LRBA: variants seen among roughly 807,000 people sequenced by gnomAD.
The protein encoded by LRBA is lipopolysaccharide-responsive and beige-like anchor protein.
A neutral mutation model predicts 330.0 loss-of-function variants in LRBA; 176 were observed. The observed-to-expected ratio is 0.53, with a 90% confidence interval of 0.47 to 0.60. The LOEUF is 0.60. Among genes scored for constraint, LRBA ranks in the 20% least tolerant of loss-of-function variants. LRBA has a pLI of 0.00. For missense variants in LRBA, 3,259 were observed against 3,444.8 expected (o/e 0.95, Z 1.35); for synonymous variants, 1,230 against 1,193.0 (o/e 1.03, Z -0.64).
At chr4:150,432,646 C>T (rs1022820006) in intron 46 of LRBA, among the ~76,000 whole-genome samples, 3 of 151,410 alleles carry the variant, frequency 2.0e-5, no homozygotes, top group African/African-American at 4.8e-5. Context: ...GGAGTTTCAC[C>T]GTGTTAGTCA....
At chr4:150,548,762 T>G (rs913587259) in intron 40 of LRBA, among the ~76,000 whole-genome samples, 1 of 152,198 alleles carries the variant, frequency 6.6e-6, no homozygotes, top group African/African-American at 2.4e-5. Context: ...TTGTCTGACA[T>G]TGTGCTAACT....
intron 34 of LRBA, among the ~76,000 whole-genome samples, chr4:150,776,010 A>G (rs1371381068): frequency 2.0e-5 from 3 of 152,170 alleles, no homozygotes; most frequent in African/African-American, 7.2e-5. Context: ...CATGATAATA[A>G]CGTAAATACT....
At chr4:150,652,338 A>T (rs10017937) in intron 37 of LRBA, among the ~76,000 whole-genome samples, 10,247 of 152,208 alleles carry the variant, frequency 0.067, 582 homozygotes, top group East Asian at 0.18. Flanking sequence ...GCCTTATCAT[A>T]TACATTCCTC....
chr4:150,639,414 C>T (rs1265672331), intron 37 of LRBA, among the ~76,000 whole-genome samples: 24 of 132,798 alleles, frequency 1.8e-4, no homozygotes, highest in Admixed American at 9.5e-4. Context: ...ATAAGCAAAA[C>T]GTGGGAATAA....
intron 26 of LRBA, among the ~76,000 whole-genome samples, chr4:150,845,064 T>C (rs528900756): frequency 6.6e-6 from 1 of 152,152 alleles, no homozygotes; most frequent in African/African-American, 2.4e-5. Context: ...ATCTTAACAA[T>C]AGGCTACTAT....
chr4:150,831,085 T>A (rs1486119658), intron 29 of LRBA, among the ~76,000 whole-genome samples: 1 of 152,028 alleles, frequency 6.6e-6, no homozygotes, highest in East Asian at 1.9e-4. Flanking sequence ...TTTTAAAACA[T>A]AAATTGTAAC....
chr4:150,767,812 C>A (rs1294219873), intron 34 of LRBA, among the ~76,000 whole-genome samples: 8 of 147,470 alleles, frequency 5.4e-5, no homozygotes, highest in Admixed American at 4.8e-4. Flanking sequence ...ACGTGTAATT[C>A]CAGCACTTTG....
At chr4:150,448,499 C>T (rs1199722098) in intron 44 of LRBA, among the ~76,000 whole-genome samples, 4 of 152,000 alleles carry the variant, frequency 2.6e-5, no homozygotes, top group Admixed American at 6.6e-5. Context: ...AGGTAGTCAA[C>T]ATAAAAGTAG....
At chr4:150,277,132 G>A (rs1175337093) in intron 56 of LRBA, among the ~76,000 whole-genome samples, 2 of 152,172 alleles carry the variant, frequency 1.3e-5, no homozygotes, top group African/African-American at 4.8e-5. Context: ...CAGGGACATG[G>A]ATGAAGCTGG....
intron 47 of LRBA, among the ~76,000 whole-genome samples, chr4:150,363,777 A>G (rs1457699955): frequency 6.6e-6 from 1 of 152,236 alleles, no homozygotes; most frequent in Non-Finnish European, 1.5e-5. Context: ...TAGGCCCCTA[A>G]TACATGTCTG....
chr4:150,927,832 A>T (rs1734049895), intron 4 of LRBA, among the ~76,000 whole-genome samples: 1 of 152,212 alleles, frequency 6.6e-6, no homozygotes, highest in South Asian at 2.1e-4. Context: ...ATTTTAACAT[A>T]ATGAAAAAGA....
chr4:150,603,365 C>G (rs192747658), intron 37 of LRBA, among the ~76,000 whole-genome samples: 2 of 152,082 alleles, frequency 1.3e-5, no homozygotes, highest in African/African-American at 4.8e-5. Flanking sequence ...TCTACATATA[C>G]GTCATCTAAT....
chr4:150,859,278 G>C (rs959466347), intron 22 of LRBA, among the ~76,000 whole-genome samples: 4 of 152,202 alleles, frequency 2.6e-5, no homozygotes, highest in Non-Finnish European at 5.9e-5. Context: ...ATGGCAATAT[G>C]AGTCTAGACA....
At chr4:150,607,110 C>T (rs1774725350) in intron 37 of LRBA, among the ~76,000 whole-genome samples, 1 of 152,122 alleles carries the variant, frequency 6.6e-6, no homozygotes, top group African/African-American at 2.4e-5. Flanking sequence ...GCTAGACAGC[C>T]TTAGGATGGG....
At chr4:150,857,831 C>T (rs1751404864) in intron 22 of LRBA, among the ~76,000 whole-genome samples, 1 of 152,122 alleles carries the variant, frequency 6.6e-6, no homozygotes, top group South Asian at 2.1e-4. Context: ...GGTCTGATAA[C>T]ATTCAAATGT....
intron 33 of LRBA, among the ~76,000 whole-genome samples, chr4:150,802,832 G>A (rs76025360): frequency 0.089 from 13,446 of 151,752 alleles, 1,039 homozygotes; most frequent in African/African-American, 0.22. Flanking sequence ...AGATCAGCCT[G>A]GGCAATGTGG....
At chr4:150,476,040 C>A (rs1756664484) in intron 42 of LRBA, among the ~76,000 whole-genome samples, 1 of 152,114 alleles carries the variant, frequency 6.6e-6, no homozygotes, top group Non-Finnish European at 1.5e-5. Context: ...TTTTACTGAT[C>A]TTTGCAAAGA....
intron 34 of LRBA, among the ~76,000 whole-genome samples, chr4:150,793,016 G>A (rs2126649922): frequency 6.6e-6 from 1 of 152,094 alleles, no homozygotes; most frequent in East Asian, 1.9e-4. Context: ...GGAGGCGGAG[G>A]TTGCAGTGAG....
intron 2 of LRBA, among the ~76,000 whole-genome samples, chr4:150,944,114 G>A (rs911134321): frequency 2.2e-4 from 34 of 152,160 alleles, no homozygotes; most frequent in Admixed American, 2.2e-3. Context: ...CCTCGTGACA[G>A]ACCCTGAGTC....
Sources: gnomAD v4.1 joint callset for allele counts (sites outside exome capture counted in the v4.1 genomes callset) on GRCh38, gnomAD v4.1.1 for gene constraint, MANE v1.5 for transcripts, NCBI Gene and HGNC (gene_info 2026-07-23, HGNC 2026-07-21) for gene names.